The following SNX13 variants were observed in gnomAD, a reference collection of about 807,000 sequenced individuals.
The protein encoded by SNX13 is sorting nexin 13.
In SNX13, 45 loss-of-function variants were observed where a neutral mutation model predicts 133.6. That is an observed-to-expected ratio of 0.34 (90% confidence interval 0.27 to 0.43). SNX13 has a LOEUF of 0.43. Among genes scored for constraint, SNX13 ranks in the 20% least tolerant of loss-of-function variants. The pLI, the probability that SNX13 is intolerant of heterozygous loss-of-function variation, is 1.00. For synonymous variants in SNX13, 414 were observed against 373.9 expected (o/e 1.11, Z -1.24); for missense variants, 1,032 against 1,145.1 (o/e 0.90, Z 1.43).
At chr7:17,936,278 T>A (rs531398916) in intron 1 of SNX13, among the ~76,000 whole-genome samples, 25 of 152,250 alleles carry the variant, frequency 1.6e-4, no homozygotes, top group Non-Finnish European at 2.9e-4. Flanking sequence ...ACTTAACAAC[T>A]ATTAACCTGG....
At chr7:17,816,159 G>C in intron 19 of SNX13, 23 bp downstream of exon 19, 1 of 1,513,086 alleles carries the variant, frequency 6.6e-7, no homozygotes, top group Non-Finnish European at 8.9e-7. Context: ...AAAATCTGTG[G>C]ATTATAGTAA....
At chr7:17,841,983 A>C (rs1288109989) in intron 12 of SNX13, among the ~76,000 whole-genome samples, 1 of 152,066 alleles carries the variant, frequency 6.6e-6, no homozygotes, top group Non-Finnish European at 1.5e-5. Context: ...TACAAAGAAG[A>C]GTAAACAGAG....
At chr7:17,834,694 A>G in intron 14 of SNX13, 67 bp downstream of exon 14, 1 of 1,054,244 alleles carries the variant, frequency 9.5e-7, no homozygotes, top group Non-Finnish European at 1.3e-6. Flanking sequence ...TTTAAAAACT[A>G]ATTACATTAC....
At chr7:17,839,681 A>G (rs1024166489) in intron 13 of SNX13, 126 bp downstream of exon 13, 2 of 699,774 alleles carry the variant, frequency 2.9e-6, no homozygotes, top group African/African-American at 3.7e-5. Context: ...ACAGACAGAC[A>G]GGAAGATTGT....
At chr7:17,812,446 T>C (rs1213642497) in intron 20 of SNX13, among the ~76,000 whole-genome samples, 4 of 152,132 alleles carry the variant, frequency 2.6e-5, no homozygotes, top group Non-Finnish European at 5.9e-5. Context: ...CACAAGGAGA[T>C]ACCATCTCAC....
At chr7:17,799,232 A>C (rs1169853684) in intron 22 of SNX13, 78 bp from the exon 23 acceptor site, 6 of 1,196,276 alleles carry the variant, frequency 5.0e-6, no homozygotes, top group Non-Finnish European at 3.4e-6. Context: ...CTTTTACGAA[A>C]TGATTGATAT....
rs1408298002 is a variant in SNX13 at position 17,824,872 on chromosome 7, C to T, written c.1705+1150G>A. Reference sequence around the variant, plus strand: ...GAAACCTCCACCTCCCGGGTTCAAGCGATTCTCCTGCCTCAGCCTCCCTAG... The same window carrying T: ...GAAACCTCCACCTCCCGGGTTCAAGTGATTCTCCTGCCTCAGCCTCCCTAG... On this transcript the variant is annotated intron_variant, in intron 17 of 25. Coordinates refer to ENST00000428135, the MANE Select transcript of SNX13 (RefSeq NM_015132.5). Among the ~76,000 whole-genome samples, 5 of 151,770 alleles carry T rather than the reference C, an allele frequency of 3.3e-5. No homozygotes were observed. The East Asian group carries it at 7.8e-4, about 24-fold the overall frequency.
At chr7:17,898,037 TATGAGCTCAACAAA>T (rs1386075228) in intron 1 of SNX13, among the ~76,000 whole-genome samples, 1 of 151,844 alleles carries the variant, frequency 6.6e-6, no homozygotes, top group Non-Finnish European at 1.5e-5. Flanking sequence ...CGAAATTTAC[TATGAGCTCAACAAA>T]ACATCACCAA....
At chr7:17,909,691 A>T (rs1393851586) in intron 1 of SNX13, among the ~76,000 whole-genome samples, 1 of 151,806 alleles carries the variant, frequency 6.6e-6, no homozygotes, top group Non-Finnish European at 1.5e-5. Context: ...AGATGGGAAA[A>T]ATACACACTG....
intron 1 of SNX13, among the ~76,000 whole-genome samples, chr7:17,922,887 A>G (rs954376957): frequency 6.6e-6 from 1 of 152,240 alleles, no homozygotes; most frequent in African/African-American, 2.4e-5. Context: ...GAAAGTAGAC[A>G]TGCAGACTGT....
chr7:17,850,696 C>T, intron 10 of SNX13, 130 bp downstream of exon 10: 1 of 755,364 alleles, frequency 1.3e-6, no homozygotes, highest in South Asian at 2.6e-5. Context: ...CACATGTTAA[C>T]CTAATAAGGA....
rs901657027 is a variant in SNX13, at chr7:17,868,439, G to T, written c.805C>A (p.Pro269Thr). The change falls in exon 9 of 26, where the codon CCT becomes ACT. Residue 269 changes from proline to threonine, a missense_variant. Transcript: ENST00000428135. ...LLPLINQLSD[P>T]DYINQYVIWM... ...ATGACATACTGATTAATATAATCAG[G>T]ATCACTGAGTTGATTTATTAATGGA... 4 of 1,608,684 alleles carry T rather than the reference G, an allele frequency of 2.5e-6. No homozygotes were observed. The Admixed American group carries it at 6.7e-5, about 27-fold the overall frequency.
chr7:17,796,472 T>C (rs1784067054), intron 25 of SNX13: 1 of 171,344 alleles, frequency 5.8e-6, no homozygotes, highest in Non-Finnish European at 1.2e-5. Context: ...ACTCCCAATA[T>C]GTTTCAAGGC....
chr7:17,896,149 A>G (rs1291893511), intron 2 of SNX13, among the ~76,000 whole-genome samples: 2 of 152,226 alleles, frequency 1.3e-5, no homozygotes, highest in Non-Finnish European at 2.9e-5. Context: ...GATCTGTAGT[A>G]TCTTCAATCA....
chr7:17,812,177 A>G (rs1488959204), intron 20 of SNX13, among the ~76,000 whole-genome samples: 1 of 152,214 alleles, frequency 6.6e-6, no homozygotes, highest in African/African-American at 2.4e-5. Flanking sequence ...GGGCTTCTGT[A>G]CAGCAAAAGA....
chr7:17,791,613 T>C lies in SNX13; in HGVS notation c.*2432A>G, dbSNP rs545797219. 9 of 152,084 alleles carry C rather than the reference T, an allele frequency of 5.9e-5. No individual in the cohort carries two copies. The highest frequency in any genetic ancestry group is 1.2e-4 in the Non-Finnish European group (8 of 67,938). The allele number at this position is 152,084 out of a possible 1,614,324, so 9.4% of individuals were successfully genotyped here. A position where few individuals can be genotyped will look rare whatever the true frequency, so the allele number is the denominator to read the frequency against. On this transcript the variant is annotated 3_prime_UTR_variant, in exon 26 of 26. Coordinates refer to ENST00000428135, the MANE Select transcript of SNX13 (RefSeq NM_015132.5). ...AAAGAATGATTAATTTCGAAAGTTC[T>C]TGCCTAAAGGCACCACTGACTTAAA...
intron 1 of SNX13, among the ~76,000 whole-genome samples, chr7:17,903,596 A>G (rs920441789): frequency 1.2e-4 from 18 of 152,172 alleles, no homozygotes; most frequent in African/African-American, 4.1e-4. Context: ...TCCAAGGTCA[A>G]TTTTGGCTTA....
In SNX13 at chr7:17,793,932, T is replaced by C. The variant is rs1320113767; in HGVS notation, c.*113A>G. ...CTTATGGATGTATTAATAATCTATT[T>C]TGAGACACTAAAAGACTGGTGCAGA... On this transcript the variant is annotated 3_prime_UTR_variant, in exon 26 of 26. Coordinates refer to ENST00000428135, the MANE Select transcript of SNX13 (RefSeq NM_015132.5). The C allele has an allele frequency of 8.6e-7, 1 of 1,164,732 alleles. No individual in the cohort carries two copies. Among genetic ancestry groups the C allele is most frequent in the Non-Finnish European group, 1.2e-6 (1 of 832,480 alleles). The allele number at this position is 1,164,732 out of a possible 1,614,324, so 72.1% of individuals were successfully genotyped here.
In SNX13 at chr7:17,821,659, A is replaced by G. The variant is rs746579467; in HGVS notation, c.1706-11T>C. ...GATCATTACAAACGCCTGCCACAGC[A>G]TATGGGTCATAGTCAGCATATACTA... On this transcript the variant is annotated splice_polypyrimidine_tract_variant and intron_variant, in intron 17 of 25. Transcript: ENST00000428135. 6.2e-7 allele frequency: 1 copy of G among 1,612,974 alleles called. No individual in the cohort carries two copies. The highest frequency in any genetic ancestry group is 8.5e-7 in the Non-Finnish European group (1 of 1,179,276).
Sources: allele counts gnomAD v4.1 joint callset (sites outside exome capture counted in the v4.1 genomes callset), GRCh38; gene constraint gnomAD v4.1.1; transcripts MANE v1.5; gene names NCBI Gene and HGNC (gene_info 2026-07-23, HGNC 2026-07-21).